Variants in NOTCH4 observed in about 807,000 individuals in gnomAD.
The protein encoded by NOTCH4 is neurogenic locus notch homolog protein 4.
Under a neutral mutation model 189.0 loss-of-function variants are expected in NOTCH4, and 138 were observed. The ratio of observed to expected loss-of-function variants is 0.73; its 90% CI spans 0.64 to 0.84. The LOEUF (loss-of-function observed/expected upper bound fraction) is 0.84, where lower values mean the gene tolerates loss of function less well. Among genes scored for constraint, NOTCH4 ranks in the 40% least tolerant of loss-of-function variants. The probability of loss-of-function intolerance (pLI) is 0.00; values close to 1 mark genes in which losing one functional copy is unlikely to be tolerated. For synonymous variants in NOTCH4, 942 were observed against 1,032.8 expected, an observed-to-expected ratio of 0.91 and a Z score of 1.69; for missense variants, 2,286 against 2,605.4, an observed-to-expected ratio of 0.88 and a Z score of 2.67.
At position 32,223,988 on chromosome 6, in the gene NOTCH4, C is replaced by T. The variant is rs1192073402; in HGVS notation, c.-60G>A. On this transcript the variant is annotated 5_prime_UTR_variant, in exon 1 of 30. Transcript: ENST00000375023. ...CCTCTTCAGGCAGGGACCCTCAGAG[C>T]TCTCACTGGGGCAGGAGCCACCTCC... 3.3e-6 allele frequency: 5 copies of T among 1,519,418 alleles called. No individual in the cohort carries two copies. Among genetic ancestry groups the T allele is most frequent in the Non-Finnish European group, 4.4e-6 (5 of 1,137,150 alleles). 94.1% of individuals were successfully genotyped at this position (1,519,418 alleles called of 1,614,324 possible).
At chr6:32,196,251 C>T (rs763588653) in intron 29 of NOTCH4, 73 bp downstream of exon 29, 96 of 1,612,434 alleles carry the variant, frequency 6.0e-5, no homozygotes, top group Non-Finnish European at 7.6e-5. Flanking sequence ...TCCCTTCAGG[C>T]TTTGCGGGTT....
At chr6:32,196,234 G>A (rs746245617) in intron 29 of NOTCH4, 84 bp from the exon 30 acceptor site, 21 of 1,610,636 alleles carry the variant, frequency 1.3e-5, no homozygotes, top group Non-Finnish European at 1.8e-5. Flanking sequence ...GCGACCACTG[G>A]CCCCTATCCC....
intron 20 of NOTCH4, 39 bp downstream of exon 20, chr6:32,203,731 A>G: frequency 6.9e-7 from 1 of 1,457,816 alleles, no homozygotes; most frequent in Non-Finnish European, 9.4e-7. Flanking sequence ...CCTTGTCAGC[A>G]TAGGGGGCAA....
chr6:32,198,303 T>C lies in NOTCH4; in HGVS notation c.4756+118A>G, dbSNP rs1216389445. ...CTGAGGACCACACTTTGAGAATCAT[T>C]GTTCTAAGGCACTCAGTCTAAAATT... is the stretch of plus-strand genomic sequence containing the variant. On this transcript the variant is annotated intron_variant, in intron 26 of 29. Coordinates refer to ENST00000375023, the MANE Select transcript of NOTCH4 (RefSeq NM_004557.4). This position sits in a 1 kb window ranked among gnomAD's most constrained non-coding sequence, Gnocchi z 5.5. The C allele has an allele frequency of 1.8e-6, 2 of 1,089,914 alleles. No homozygotes were observed. The highest frequency in any genetic ancestry group is 4.9e-5 in the East Asian group (2 of 40,690). 67.5% of individuals were successfully genotyped at this position (1,089,914 alleles called of 1,614,324 possible).
intron 1 of NOTCH4, 51 bp downstream of exon 1, chr6:32,223,805 C>T: frequency 6.4e-7 from 1 of 1,572,058 alleles, no homozygotes; most frequent in Admixed American, 1.8e-5. Context: ...CCCCACTGAT[C>T]ATCCTCCTAA....
rs147269236 is a variant in NOTCH4 at position 32,204,259 on chromosome 6, A to G, written c.2996T>C (p.Val999Ala). ...GFHCACPPGF[V>A]GLRCEGDVDE... ...CACGTCTCCCTCACAGCGTAGCCCC[A>G]CAAAGCCTGGAGGGCAGGCACAGTG... Residue 999 changes from valine to alanine, a missense_variant, in exon 19 of 30, where the codon GTG becomes GCG. By Grantham distance (64) the Val-to-Ala change is moderately conservative. Around this residue, in one of 2 missense-constraint regions of NOTCH4, gnomAD observed 1,903 missense variants for 2,261.9 expected, o/e 0.84. Transcript: ENST00000375023. 2 of 1,612,908 alleles carry G rather than the reference A, an allele frequency of 1.2e-6. No homozygotes were observed. Among genetic ancestry groups the G allele is most frequent in the Middle Eastern group, 1.6e-4 (1 of 6,082 alleles).
At chr6:32,213,583 G>A in intron 14 of NOTCH4, 105 bp downstream of exon 14, 1 of 1,331,420 alleles carries the variant, frequency 7.5e-7, no homozygotes, top group Non-Finnish European at 1.0e-6. Context: ...ATGTTTCCCA[G>A]GCTGGTCTGT....
At position 32,201,334 on chromosome 6, in the gene NOTCH4, G is replaced by C; in HGVS notation, c.3922C>G (p.Leu1308Val). Residue 1308 changes from leucine (L) to valine (V), a missense_variant, in exon 22 of 30, where the codon CTA (leucine) becomes GTA (valine). Coordinates refer to ENST00000375023, the MANE Select transcript of NOTCH4 (RefSeq NM_004557.4). This position sits in a 1 kb window ranked among gnomAD's most constrained non-coding sequence, Gnocchi z 5.5. ...GCCAGGGCAAACAGCTGCTGGTCTA[G>C]GGCTGGGGGGCTCAGTACCACCAGC... ...ALLVVLSPPALDQQLFALARV... is the reference protein window; with the variant it reads ...ALLVVLSPPAVDQQLFALARV... 6.2e-7 allele frequency: 1 copy of C among 1,611,746 alleles called. No homozygotes were observed. The highest frequency in any genetic ancestry group is 8.5e-7 in the Non-Finnish European group (1 of 1,179,212).
Position 32,223,087 on chromosome 6 carries a change from C to T in NOTCH4, c.74-1G>A, listed in dbSNP as rs765455599. On this transcript the variant is annotated splice_acceptor_variant, in intron 1 of 29. Transcript: ENST00000375023. LOFTEE classifies it high-confidence loss of function. ...TCTGGGAAACTCCCACACAGCAGCC[C>T]TGAGGGTGGAGAGGCAGGCGCAATG... is the stretch of plus-strand genomic sequence containing the variant. 1 of 1,613,564 alleles carries T rather than the reference C, an allele frequency of 6.2e-7. No homozygotes were observed. Among genetic ancestry groups the T allele is most frequent in the Admixed American group, 1.7e-5 (1 of 60,012 alleles).
intron 19 of NOTCH4, 126 bp from the exon 20 acceptor site, chr6:32,204,008 G>T: frequency 7.1e-7 from 1 of 1,414,330 alleles, no homozygotes; most frequent in Non-Finnish European, 9.7e-7. Flanking sequence ...TCTTTTCTGG[G>T]CGGGGGTGGG....
At chr6:32,220,668 G>C in intron 5 of NOTCH4, 27 bp from the exon 6 acceptor site, 1 of 1,612,642 alleles carries the variant, frequency 6.2e-7, no homozygotes, top group Non-Finnish European at 8.5e-7. Flanking sequence ...AGGGGACGAG[G>C]GCTAAGGCTG....
chr6:32,201,190 C>G lies in NOTCH4; in HGVS notation c.4066G>C (p.Asp1356His). The change falls in exon 22 of 30, where the codon GAC becomes CAC. Residue 1356 changes from aspartate (D) to histidine (H), a missense_variant. This residue lies in a region of NOTCH4 where 1,903 missense variants were observed against 2,261.9 expected (regional missense o/e 0.84). Coordinates refer to ENST00000375023, the MANE Select transcript of NOTCH4 (RefSeq NM_004557.4). This position sits in a 1 kb window ranked among gnomAD's most constrained non-coding sequence, Gnocchi z 5.5. ...RAEEKLGGTR[D>H]PTYQERAAPQ... The stretch of plus-strand genomic sequence containing the variant: ...GCTGCTCTCTCCTGATAGGTGGGGT[C>G]CCGAGTTCCTCCTAGCTTTTCTTCA... The G allele has an allele frequency of 6.2e-7, 1 of 1,612,932 alleles. No homozygotes were observed. The highest frequency in any genetic ancestry group is 8.5e-7 in the Non-Finnish European group (1 of 1,179,944).
At chr6:32,219,431 T>C (rs1317155517) in intron 8 of NOTCH4, among the ~76,000 whole-genome samples, 161 bp downstream of exon 8, 1 of 151,920 alleles carries the variant, frequency 6.6e-6, no homozygotes, top group Non-Finnish European at 1.5e-5. Flanking sequence ...CTCCTAGGGG[T>C]CTTGGGTGTC....
rs776161068 is a variant in NOTCH4, at chr6:32,220,590, T to G, written c.974A>C (p.His325Pro). The part of the protein sequence containing the change: ...VDECETQGPP[H>P]CRNGGTCQNS... ...CTGGCAGGTGCCCCCGTTTCTGCAG[T>G]GAGGGGGACCCTGGGTCTCACACTC... Residue 325 changes from histidine to proline, a missense_variant, in exon 6 of 30, where the codon CAC (histidine) becomes CCC (proline). Transcript: ENST00000375023. The G allele has an allele frequency of 6.2e-7, 1 of 1,613,122 alleles. No individual in the cohort carries two copies. The highest frequency in any genetic ancestry group is 8.5e-7 in the Non-Finnish European group (1 of 1,179,708).
rs1208700259 is a variant in NOTCH4 at position 32,213,743 on chromosome 6, G to C, written c.2265C>G (p.Cys755Trp). 1 of 1,612,730 alleles carries C rather than the reference G, an allele frequency of 6.2e-7. No individual in the cohort carries two copies. Among genetic ancestry groups the C allele is most frequent in the Admixed American group, 1.7e-5 (1 of 60,026 alleles). The stretch of plus-strand genomic sequence containing the variant: ...ACTGGGGCCCTGTGTGGCTTGGAGG[G>C]CAGGTGCAGTAGTAGCCTCCAGGGC... Reference protein sequence around the residue: ...NPSPGGYYCTCPPSHTGPQCQ... With the variant: ...NPSPGGYYCTWPPSHTGPQCQ... Residue 755 changes from cysteine to tryptophan, a missense_variant, in exon 14 of 30, where the codon TGC (cysteine) becomes TGG (tryptophan). Cys to Trp is a radical substitution (Grantham distance 215, BLOSUM62 -2). Coordinates refer to ENST00000375023, the MANE Select transcript of NOTCH4 (RefSeq NM_004557.4).
Position 32,213,858 on chromosome 6 carries a change from G to A in NOTCH4, c.2168-18C>T, listed in dbSNP as rs546624815. On this transcript the variant is annotated intron_variant, in intron 13 of 29. Coordinates refer to ENST00000375023, the MANE Select transcript of NOTCH4 (RefSeq NM_004557.4). ...GGTGGGTCCTGAAGGAAACAGGTGG[G>A]GGCTGAGAAAGGGTGTCCTCCTTCC... 1.2e-6 allele frequency: 2 copies of A among 1,610,732 alleles called. No homozygotes were observed. The highest frequency in any genetic ancestry group is 4.5e-5 in the East Asian group (2 of 44,842).
Position 32,196,017 on chromosome 6 carries a change from T to G in NOTCH4, c.5432A>C (p.Asn1811Thr), listed in dbSNP as rs1787881314. 1 of 1,599,086 alleles carries G rather than the reference T, an allele frequency of 6.3e-7. No homozygotes were observed. The highest frequency in any genetic ancestry group is 1.3e-5 in the African/African-American group (1 of 74,998). Residue 1811 changes from asparagine (N) to threonine (T), a missense_variant, in exon 30 of 30, where the codon AAC becomes ACC. Asn to Thr is a moderately conservative substitution (Grantham distance 65). Around this residue, in one of 2 missense-constraint regions of NOTCH4, gnomAD observed 383 missense variants for 343.5 expected, o/e 1.11. Transcript: ENST00000375023. ...LAPADVAHQR[N>T]HWDLLTLLEG... ...CAGCAGCGTCAGCAGATCCCAGTGG[T>G]TACGTTGGTGAGCGACGTCCGCCGG...
At chr6:32,197,200 C>T (rs1478554010) in intron 27 of NOTCH4, 99 bp downstream of exon 27, 6 of 1,516,706 alleles carry the variant, frequency 4.0e-6, no homozygotes, top group Non-Finnish European at 3.5e-6. Context: ...GGTTCCCAAT[C>T]ACACCAATTT....
chr6:32,215,422 C>G (rs1252695539), intron 11 of NOTCH4, 37 bp from the exon 12 acceptor site: 2 of 1,560,466 alleles, frequency 1.3e-6, no homozygotes, highest in African/African-American at 2.7e-5. Context: ...AAAACAGCTC[C>G]TCCACATCCT....
Sources: allele counts gnomAD v4.1 joint callset (sites outside exome capture counted in the v4.1 genomes callset), GRCh38; gene constraint gnomAD v4.1.1; regional missense constraint gnomAD v4.1.1; non-coding constraint Gnocchi (gnomAD v3.1); transcripts MANE v1.5; gene names NCBI Gene and HGNC (gene_info 2026-07-23, HGNC 2026-07-21).